PTPRT: variants seen among roughly 807,000 people sequenced by gnomAD.
The protein encoded by PTPRT is protein tyrosine phosphatase receptor type T.
Under a neutral mutation model 176.8 loss-of-function variants are expected in PTPRT, and 56 were observed. That is an observed-to-expected ratio of 0.32 (90% CI 0.26 to 0.40). The LOEUF (loss-of-function observed/expected upper bound fraction) is 0.40, where lower values mean the gene tolerates loss of function less well. PTPRT is among the 10% of genes least tolerant of loss of function. The probability of loss-of-function intolerance (pLI) is 1.00; values close to 1 mark genes in which losing one functional copy is unlikely to be tolerated. For synonymous variants in PTPRT, 783 were observed against 739.0 expected, an observed-to-expected ratio of 1.06 and a Z score of -0.96; for missense variants, 1,540 against 1,908.2, an observed-to-expected ratio of 0.81 and a Z score of 3.60.
chr20:42,208,721 A>T (rs1004788251), intron 15 of PTPRT, among the ~76,000 whole-genome samples: 6 of 152,184 alleles, frequency 3.9e-5, no homozygotes, highest in Admixed American at 1.3e-4. Context: ...CACTGTCAAC[A>T]TTAGACAGAT....
At chr20:42,390,139 C>G (rs1284753424) in intron 9 of PTPRT, among the ~76,000 whole-genome samples, 1 of 152,204 alleles carries the variant, frequency 6.6e-6, no homozygotes, top group South Asian at 2.1e-4. Flanking sequence ...TCCTCAGCAG[C>G]TAGTATAATA....
chr20:42,986,180 G>GT (rs1321689310), intron 1 of PTPRT, among the ~76,000 whole-genome samples: 13 of 152,194 alleles, frequency 8.5e-5, no homozygotes, highest in Admixed American at 7.2e-4. Flanking sequence ...ATATGTCATT[G>GT]TACACACACT....
At chr20:42,756,303 G>A (rs761970195) in intron 6 of PTPRT, among the ~76,000 whole-genome samples, 159 bp downstream of exon 6, 2 of 152,210 alleles carry the variant, frequency 1.3e-5, no homozygotes, top group Admixed American at 6.5e-5. Context: ...AGTTTCTCCC[G>A]TTTGGGGAGT....
At chr20:43,094,753 G>C (rs757976307) in intron 1 of PTPRT, among the ~76,000 whole-genome samples, 1 of 152,076 alleles carries the variant, frequency 6.6e-6, no homozygotes, top group Admixed American at 6.5e-5. Flanking sequence ...GTTACTACGG[G>C]AGCTCTATAG....
At chr20:42,318,487 G>A (rs2057752658) in intron 11 of PTPRT, among the ~76,000 whole-genome samples, 1 of 152,152 alleles carries the variant, frequency 6.6e-6, no homozygotes, top group Non-Finnish European at 1.5e-5. Flanking sequence ...TGATCTGTGA[G>A]GGAAAGGGCA....
At chr20:42,920,913 A>G (rs1301022326) in intron 1 of PTPRT, among the ~76,000 whole-genome samples, 1 of 152,190 alleles carries the variant, frequency 6.6e-6, no homozygotes, top group Non-Finnish European at 1.5e-5. Context: ...ATATTTACAG[A>G]CATTTTCTTC....
intron 7 of PTPRT, among the ~76,000 whole-genome samples, chr20:42,670,256 C>T (rs1453496437): frequency 6.6e-6 from 1 of 152,142 alleles, no homozygotes; most frequent in Non-Finnish European, 1.5e-5. Flanking sequence ...CGGTTCTCTG[C>T]AAGGCATATA....
chr20:42,046,598 C>T, the PTPRT span, among the ~76,000 whole-genome samples: 1 of 152,160 alleles, frequency 6.6e-6, no homozygotes, highest in Admixed American at 6.5e-5. Context: ...CAGTGGGGAC[C>T]AGTGACACCT....
At chr20:42,300,657 G>T (rs1337869957) in intron 12 of PTPRT, among the ~76,000 whole-genome samples, 2 of 151,544 alleles carry the variant, frequency 1.3e-5, no homozygotes, top group Non-Finnish European at 2.9e-5. Context: ...TGAAAATAGG[G>T]GAGAAAGGAG....
intron 12 of PTPRT, among the ~76,000 whole-genome samples, chr20:42,286,038 A>G (rs2057225481): frequency 6.6e-6 from 1 of 152,050 alleles, no homozygotes; most frequent in South Asian, 2.1e-4. Flanking sequence ...CAAGGAGGTA[A>G]AAGACCTCTA....
At chr20:42,389,194 G>A (rs1013831434) in intron 9 of PTPRT, among the ~76,000 whole-genome samples, 2 of 151,844 alleles carry the variant, frequency 1.3e-5, no homozygotes, top group East Asian at 1.9e-4. Context: ...GTTAATGGGT[G>A]CAGCACACCA....
intron 11 of PTPRT, among the ~76,000 whole-genome samples, chr20:42,318,179 A>C (rs2057748143): frequency 6.6e-6 from 1 of 152,168 alleles, no homozygotes; most frequent in Admixed American, 6.5e-5. Flanking sequence ...AAGTCAATAA[A>C]CGTTTAAATT....
intron 6 of PTPRT, 64 bp from the exon 7 acceptor site, chr20:42,678,223 A>G (rs971645759): frequency 1.6e-5 from 24 of 1,479,668 alleles, no homozygotes; most frequent in African/African-American, 4.1e-5. Flanking sequence ...GACTACAAGC[A>G]CATGACGACA....
At chr20:42,480,406 A>G (rs2071364878) in intron 7 of PTPRT, among the ~76,000 whole-genome samples, 1 of 152,068 alleles carries the variant, frequency 6.6e-6, no homozygotes, top group Non-Finnish European at 1.5e-5. Flanking sequence ...CCTGGTTCTG[A>G]GTCTAGTTGA....
the PTPRT span, among the ~76,000 whole-genome samples, chr20:42,034,357 C>A: frequency 1.3e-5 from 2 of 152,022 alleles, no homozygotes; most frequent in African/African-American, 2.4e-5. Flanking sequence ...TTCATCAGAG[C>A]AAACACACAG....
intron 1 of PTPRT, among the ~76,000 whole-genome samples, chr20:43,093,903 C>T (rs1298668082): frequency 6.6e-6 from 1 of 152,028 alleles, no homozygotes; most frequent in Non-Finnish European, 1.5e-5. Flanking sequence ...CTCTGGGGTT[C>T]CCACAAGCCT....
intron 6 of PTPRT, among the ~76,000 whole-genome samples, chr20:42,686,962 C>T (rs1343831919): frequency 2.0e-5 from 3 of 152,174 alleles, no homozygotes; most frequent in Non-Finnish European, 2.9e-5. Context: ...TACTTAACCT[C>T]TTTGTGTCTA....
the PTPRT span, among the ~76,000 whole-genome samples, chr20:42,039,082 T>C: frequency 6.6e-6 from 1 of 152,192 alleles, no homozygotes; most frequent in Non-Finnish European, 1.5e-5. Flanking sequence ...TTGTCTGGGA[T>C]TGATCTGTCT....
intron 2 of PTPRT, among the ~76,000 whole-genome samples, chr20:42,813,509 T>C (rs1359786222): frequency 6.6e-6 from 1 of 152,066 alleles, no homozygotes; most frequent in Non-Finnish European, 1.5e-5. Flanking sequence ...TGTGGTATGC[T>C]TTAATGTTGC....
Sources: allele counts gnomAD v4.1 joint callset (sites outside exome capture counted in the v4.1 genomes callset), GRCh38; gene constraint gnomAD v4.1.1; transcripts MANE v1.5; gene names NCBI Gene and HGNC (gene_info 2026-07-23, HGNC 2026-07-21).